The following IKZF1 variants were observed in gnomAD, a reference collection of about 807,000 sequenced individuals.
The protein encoded by IKZF1 is IKAROS family zinc finger 1.
In IKZF1, 10 loss-of-function variants were observed where a neutral mutation model predicts 51.7. That is an observed-to-expected ratio of 0.19 (90% CI 0.12 to 0.33). The LOEUF (loss-of-function observed/expected upper bound fraction) is 0.33, where lower values mean the gene tolerates loss of function less well. IKZF1 is among the 10% of genes least tolerant of loss of function. The pLI is 1.00. For missense variants in IKZF1, 484 were observed against 707.5 expected (o/e 0.68, Z 3.58); for synonymous variants, 280 against 282.3 (o/e 0.99, Z 0.08).
intron 3 of IKZF1, among the ~76,000 whole-genome samples, chr7:50,355,388 T>G (rs928318704): frequency 6.6e-6 from 1 of 152,124 alleles, no homozygotes; most frequent in Non-Finnish European, 1.5e-5. Flanking sequence ...TGTATAAGGA[T>G]GGGTTGGGGT....
chr7:50,307,212 G>A (rs1789021242), intron 1 of IKZF1, among the ~76,000 whole-genome samples: 1 of 152,114 alleles, frequency 6.6e-6, no homozygotes, highest in African/African-American at 2.4e-5. Flanking sequence ...TTAATGTAAT[G>A]TAACTGTGGT....
At chr7:50,398,623 C>T (rs1377351265) in intron 7 of IKZF1, among the ~76,000 whole-genome samples, 3 of 152,210 alleles carry the variant, frequency 2.0e-5, no homozygotes, top group Non-Finnish European at 4.4e-5. Context: ...CTTCTACCTA[C>T]CCTCCCCTAG....
intron 3 of IKZF1, among the ~76,000 whole-genome samples, chr7:50,367,315 CGTGTGT>C (rs143406270): frequency 2.0e-5 from 3 of 150,570 alleles, no homozygotes; most frequent in Admixed American, 1.3e-4. Context: ...AAAGATTGTG[CGTGTGT>C]GTGTGTGTGT....
intron 3 of IKZF1, among the ~76,000 whole-genome samples, chr7:50,348,348 G>A (rs929152401): frequency 2.0e-5 from 3 of 152,206 alleles, no homozygotes; most frequent in African/African-American, 7.2e-5. Flanking sequence ...AGGGGCGTTT[G>A]TTGATTATTG....
rs1489314196 is a variant in IKZF1 at position 50,363,422 on chromosome 7, A to G, written c.161-13111A>G. 5.3e-5 allele frequency among the ~76,000 whole-genome samples: 8 copies of G among 152,238 alleles called. No homozygotes were observed. The East Asian group carries it at 1.4e-3, about 26-fold the overall frequency. On this transcript the variant is annotated intron_variant, in intron 3 of 7. Transcript: ENST00000331340. ...GTGGAGTGGGAAGGAGACAAGTGGC[A>G]GCAGAGTTGACATCATCAGGACTGA...
intron 3 of IKZF1, among the ~76,000 whole-genome samples, chr7:50,371,137 G>C (rs927560910): frequency 6.6e-6 from 1 of 152,190 alleles, no homozygotes; most frequent in African/African-American, 2.4e-5. Context: ...CAGTTGTTAA[G>C]AAACTGAAGG....
intron 4 of IKZF1, among the ~76,000 whole-genome samples, chr7:50,381,973 A>G (rs1811970909): frequency 6.6e-6 from 1 of 152,210 alleles, no homozygotes; most frequent in Non-Finnish European, 1.5e-5. Flanking sequence ...CAGACAGGTA[A>G]TGGAGAAGAA....
chr7:50,313,351 C>T (rs1016235117), intron 1 of IKZF1, among the ~76,000 whole-genome samples: 17 of 152,212 alleles, frequency 1.1e-4, no homozygotes, highest in Admixed American at 3.3e-4. Context: ...AGGAAATAAC[C>T]CCAAATGTAA....
chr7:50,308,154 C>T (rs902592225), intron 1 of IKZF1, among the ~76,000 whole-genome samples: 29 of 152,174 alleles, frequency 1.9e-4, no homozygotes, highest in South Asian at 2.1e-4. Context: ...TATGAAGTGC[C>T]ATATATTACA....
At position 50,400,475 on chromosome 7, in the gene IKZF1, C is replaced by T. The variant is rs2153519557; in HGVS notation, c.1408C>T (p.Leu470Phe). ...KVYKCEHCRV[L>F]FLDHVMYTIH... ...GTACAAGTGCGAACACTGCCGGGTG[C>T]TCTTCCTGGATCACGTCATGTACAC... The change falls in exon 8 of 8, where the codon CTC becomes TTC. Residue 470 changes from leucine to phenylalanine, a missense_variant. Around this residue, in one of 6 missense-constraint regions of IKZF1, gnomAD observed 42 missense variants for 84.4 expected, o/e 0.50. Transcript: ENST00000331340. The surrounding 1 kb of genome is among the most constrained non-coding windows in gnomAD (Gnocchi z 5.4). 6.2e-7 allele frequency: 1 copy of T among 1,614,088 alleles called. No homozygotes were observed. The highest frequency in any genetic ancestry group is 1.1e-5 in the South Asian group (1 of 91,086).
chr7:50,354,530 C>T (rs1266597353), intron 3 of IKZF1, among the ~76,000 whole-genome samples: 2 of 152,200 alleles, frequency 1.3e-5, no homozygotes, highest in Non-Finnish European at 2.9e-5. Flanking sequence ...GCAGGAGATA[C>T]TACAAGGCAG....
In IKZF1 at chr7:50,397,156, CT is replaced by C. The variant is rs540342249; in HGVS notation, c.851-2761del. On this transcript the variant is annotated intron_variant, in intron 7 of 7. Coordinates refer to ENST00000331340, the MANE Select transcript of IKZF1 (RefSeq NM_006060.6). ...ATGAGATTAGCAGCAAAGCTTTGCC[CT>C]ACATCTCATGTCAGAATTTTCTGTT... Among the ~76,000 whole-genome samples the C allele has an allele frequency of 1.4e-3, 218 of 152,310 alleles. 3 individuals are homozygous for C. The highest frequency in any genetic ancestry group is 0.013 in the Admixed American group (204 of 15,306).
At chr7:50,399,575 A>G (rs961181248) in intron 7 of IKZF1, among the ~76,000 whole-genome samples, 1 of 152,234 alleles carries the variant, frequency 6.6e-6, no homozygotes, top group Non-Finnish European at 1.5e-5. Flanking sequence ...CACTATTTAA[A>G]ATATTAAATG....
intron 4 of IKZF1, among the ~76,000 whole-genome samples, chr7:50,379,999 C>A (rs1453024970): frequency 6.6e-6 from 1 of 152,144 alleles, no homozygotes; most frequent in Non-Finnish European, 1.5e-5. Context: ...GTAAATACAA[C>A]CTTGAAGAAA....
At chr7:50,327,122 G>T (rs140754802) in intron 2 of IKZF1, among the ~76,000 whole-genome samples, 2 of 152,158 alleles carry the variant, frequency 1.3e-5, no homozygotes, top group Non-Finnish European at 2.9e-5. Flanking sequence ...TTATACTGTG[G>T]TGATTATTAG....
chr7:50,397,830 T>C (rs1027477486), intron 7 of IKZF1, among the ~76,000 whole-genome samples: 3 of 152,208 alleles, frequency 2.0e-5, no homozygotes, highest in Admixed American at 6.5e-5. Flanking sequence ...TCCTGTTCTG[T>C]TTCTGGGAGG....
intron 7 of IKZF1, chr7:50,394,408 C>A (rs945832926): frequency 3.5e-4 from 81 of 233,224 alleles, no homozygotes; most frequent in Admixed American, 2.6e-3. Flanking sequence ...CTGAGTTTAG[C>A]CTTCATGTGA....
chr7:50,327,667 C>A lies in IKZF1; in HGVS notation c.70C>A (p.Pro24Thr). 6.2e-7 allele frequency: 1 copy of A among 1,613,464 alleles called. No homozygotes were observed. The highest frequency in any genetic ancestry group is 8.5e-7 in the Non-Finnish European group (1 of 1,179,698). ...GGAAAGCCCCCCTGTAAGCGATACT[C>A]CAGATGAGGGCGATGAGCCCATGCC... ...GKESPPVSDTPDEGDEPMPIP... is the reference protein window; with the variant it reads ...GKESPPVSDTTDEGDEPMPIP... Residue 24 changes from proline (P) to threonine (T), a missense_variant, in exon 3 of 8, where the codon CCA (proline) becomes ACA (threonine). By Grantham distance (38) the Pro-to-Thr change is conservative (BLOSUM62 -1). Coordinates refer to ENST00000331340, the MANE Select transcript of IKZF1 (RefSeq NM_006060.6).
chr7:50,367,854 A>G (rs921875660), intron 3 of IKZF1: 1 of 598,790 alleles, frequency 1.7e-6, no homozygotes, highest in South Asian at 2.1e-5. Context: ...TGTTGCCTAT[A>G]GAAGGGCCAG....
Sources: allele counts gnomAD v4.1 joint callset (sites outside exome capture counted in the v4.1 genomes callset), GRCh38; gene constraint gnomAD v4.1.1; regional missense constraint gnomAD v4.1.1; non-coding constraint Gnocchi (gnomAD v3.1); transcripts MANE v1.5; gene names NCBI Gene and HGNC (gene_info 2026-07-23, HGNC 2026-07-21).